PARVB: variants seen among roughly 807,000 people sequenced by gnomAD.
PARVB encodes beta-parvin.
In PARVB, 46 loss-of-function variants were observed where a neutral mutation model predicts 47.0. That is an observed-to-expected ratio of 0.98 (90% CI 0.77 to 1.25). The LOEUF (loss-of-function observed/expected upper bound fraction) is 1.25. Ranked by LOEUF, PARVB falls within the 50% of genes most tolerant of loss-of-function variation. The pLI is 0.00. For synonymous variants in PARVB, 196 were observed against 196.3 expected (o/e 1.00, Z 0.01); for missense variants, 473 against 471.6 (o/e 1.00, Z -0.03).
chr22:44,069,114 C>T, intron 1 of PARVB: 3 of 1,611,964 alleles, frequency 1.9e-6, no homozygotes, highest in East Asian at 2.2e-5. Flanking sequence ...CCGACGTCCG[C>T]CGGCTGTGCT....
At chr22:44,107,770 G>A (rs1485447788) in intron 3 of PARVB, 1 of 152,254 alleles carries the variant, frequency 6.6e-6, no homozygotes, top group African/African-American at 2.4e-5. Flanking sequence ...AAACACACAT[G>A]GAGGTGCTGG....
intron 8 of PARVB, chr22:44,143,626 C>G (rs1275415612): frequency 1.3e-5 from 2 of 152,306 alleles, no homozygotes; most frequent in African/African-American, 4.8e-5. Context: ...CTGCCCACTC[C>G]CCATCATTCC....
intron 2 of PARVB, among the ~76,000 whole-genome samples, chr22:44,013,701 C>T (rs1374414358): frequency 2.0e-5 from 3 of 151,886 alleles, no homozygotes; most frequent in Non-Finnish European, 2.9e-5. Context: ...GGTGCGATCT[C>T]GGCTCACTGC....
Position 44,161,311 on chromosome 22 carries a change from T to TTC in PARVB, c.946-2546_946-2545insCT, listed in dbSNP as rs938918932. ...CCCCGTGCCTTGTTTTTCTTTTCTT[T>TTC]TTTTTTTTTTTTTGGAGGCGGGGAA... is the stretch of plus-strand genomic sequence containing the variant. On this transcript the variant is annotated intron_variant, in intron 11 of 12. Transcript: ENST00000338758. Among the ~76,000 whole-genome samples the TTC allele has an allele frequency of 2.3e-3, 334 of 147,470 alleles. 2 individuals are homozygous for TTC. Among genetic ancestry groups the TTC allele is most frequent in the African/African-American group, 7.9e-3 (318 of 40,066 alleles).
intron 3 of PARVB, chr22:44,104,605 C>T (rs1472908691): frequency 2.0e-5 from 3 of 152,298 alleles, no homozygotes; most frequent in African/African-American, 4.8e-5. Flanking sequence ...TTCAGCACCT[C>T]CTTTCTTCTG....
intron 2 of PARVB, 62 bp downstream of exon 2, chr22:44,094,079 C>A: frequency 1.0e-6 from 1 of 985,906 alleles, no homozygotes; most frequent in Non-Finnish European, 1.6e-6. Flanking sequence ...CTAAGTTGGT[C>A]TTGGGGAGGC....
chr22:44,057,301 A>AT (rs949983777), intron 1 of PARVB, among the ~76,000 whole-genome samples: 2 of 152,162 alleles, frequency 1.3e-5, no homozygotes, highest in Non-Finnish European at 2.9e-5. Flanking sequence ...ATGAATGATA[A>AT]TTTTATGAGC....
At chr22:44,110,440 G>C (rs954583192) in intron 3 of PARVB, 1 of 152,202 alleles carries the variant, frequency 6.6e-6, no homozygotes, top group Non-Finnish European at 1.5e-5. Flanking sequence ...CCGTGGGTCT[G>C]TGTCTGCCTT....
In PARVB at chr22:44,031,790, A is replaced by G. The variant is rs147981543; in HGVS notation, c.112+7339A>G. Among the ~76,000 whole-genome samples the G allele has an allele frequency of 1.2e-3, 189 of 152,234 alleles. 1 individual carries two copies. Among genetic ancestry groups the G allele is most frequent in the African/African-American group, 4.4e-3 (181 of 41,542 alleles). ...GTGTTTATTGGATGTAAGTGGGTTC[A>G]TCCCTGCTGCGAGTATGGATTTTAA... is the stretch of plus-strand genomic sequence containing the variant. On this transcript the variant is annotated intron_variant, in intron 1 of 12. Transcript: ENST00000338758.
At chr22:44,135,242 G>A (rs1052772279) in intron 6 of PARVB, among the ~76,000 whole-genome samples, 1 of 151,754 alleles carries the variant, frequency 6.6e-6, no homozygotes, top group Admixed American at 6.6e-5. Context: ...CCACTGCCAT[G>A]CCCCCCTCAC....
chr22:44,056,471 T>TTTG (rs769027716), intron 1 of PARVB, among the ~76,000 whole-genome samples: 1 of 152,090 alleles, frequency 6.6e-6, no homozygotes, highest in Non-Finnish European at 1.5e-5. Flanking sequence ...CCACAGATTT[T>TTTG]TTGTTGTTGT....
chr22:44,063,528 A>G (rs551542380), intron 1 of PARVB, among the ~76,000 whole-genome samples: 7 of 152,178 alleles, frequency 4.6e-5, no homozygotes, highest in Non-Finnish European at 1.0e-4. Context: ...CGCCTGGCCC[A>G]ATATGAATAT....
chr22:44,131,354 C>T, intron 4 of PARVB, 133 bp from the exon 5 acceptor site: 1 of 830,318 alleles, frequency 1.2e-6, no homozygotes, highest in Non-Finnish European at 1.9e-6. Flanking sequence ...ATTTGCCAGG[C>T]TGGTCTCGAA....
At chr22:44,142,904 C>G (rs1490929201) in intron 8 of PARVB, 1 of 152,270 alleles carries the variant, frequency 6.6e-6, no homozygotes, top group African/African-American at 2.4e-5. Flanking sequence ...GTTACCCAGC[C>G]TGGCACCCTC....
At chr22:44,077,772 C>T (rs1217902216) in intron 1 of PARVB, among the ~76,000 whole-genome samples, 1 of 152,054 alleles carries the variant, frequency 6.6e-6, no homozygotes, top group Non-Finnish European at 1.5e-5. Context: ...CTCATTCTGT[C>T]ATCCAGGCTG....
Position 44,117,128 on chromosome 22 carries a change from C to G in PARVB, c.274-1910C>G, listed in dbSNP as rs1601629628. On this transcript the variant is annotated intron_variant, in intron 3 of 12. Transcript: ENST00000338758. ...AGAGATGCTCACGGAACCCCCTCTC[C>G]CCACCCCGCCCCGTGGCAGGGGCAT... Among the ~76,000 whole-genome samples, 2 of 151,912 alleles carry G rather than the reference C, an allele frequency of 1.3e-5. 1 individual carries two copies. The highest frequency in any genetic ancestry group is 4.2e-4 in the South Asian group (2 of 4,814).
intron 1 of PARVB, among the ~76,000 whole-genome samples, chr22:44,038,234 A>G (rs1243336733): frequency 1.3e-5 from 2 of 152,072 alleles, no homozygotes; most frequent in Non-Finnish European, 2.9e-5. Flanking sequence ...TCACTGGGAG[A>G]TAATGATGAC....
chr22:44,014,176 A>G (rs1384021043), intron 2 of PARVB, among the ~76,000 whole-genome samples: 1 of 152,218 alleles, frequency 6.6e-6, no homozygotes, highest in Non-Finnish European at 1.5e-5. Context: ...CGTTTGTTCA[A>G]ACACACTGGA....
chr22:44,016,762 T>C (rs1463873081), intron 2 of PARVB, among the ~76,000 whole-genome samples: 1 of 152,124 alleles, frequency 6.6e-6, no homozygotes, highest in East Asian at 1.9e-4. Context: ...TCATGTGAGG[T>C]CAGGTGTGGA....
Sources: gnomAD v4.1 joint callset for allele counts (sites outside exome capture counted in the v4.1 genomes callset) on GRCh38, gnomAD v4.1.1 for gene constraint, MANE v1.5 for transcripts, NCBI Gene and HGNC (gene_info 2026-07-23, HGNC 2026-07-21) for gene names.